The following PHF3 variants were observed in gnomAD, a reference collection of about 807,000 sequenced individuals.
The protein encoded by PHF3 is PHD finger protein 3.
A neutral mutation model predicts 178.4 loss-of-function variants in PHF3; 41 were observed. The observed-to-expected ratio is 0.23, with a 90% CI of 0.18 to 0.30. The LOEUF (loss-of-function observed/expected upper bound fraction) is 0.30, where lower values mean the gene tolerates loss of function less well. PHF3 is among the 10% of genes least tolerant of loss of function. The pLI is 1.00. For synonymous variants in PHF3, 842 were observed against 800.5 expected (o/e 1.05, Z -0.88); for missense variants, 2,346 against 2,398.1 (o/e 0.98, Z 0.45).
intron 9 of PHF3, among the ~76,000 whole-genome samples, chr6:63,702,036 A>G (rs970543081): frequency 6.6e-6 from 1 of 152,162 alleles, no homozygotes; most frequent in Non-Finnish European, 1.5e-5. Context: ...CAGGGTCACT[A>G]AGCAGGCTTA....
Position 63,711,976 on chromosome 6 carries a change from C to T in PHF3, c.4388C>T (p.Pro1463Leu), listed in dbSNP as rs1476412832. The T allele has an allele frequency of 5.6e-6, 9 of 1,613,672 alleles. No homozygotes were observed. Among genetic ancestry groups the T allele is most frequent in the Non-Finnish European group, 6.8e-6 (8 of 1,179,888 alleles). ...QPTTLELANKPLPVDDILQSL... is the reference protein window; with the variant it reads ...QPTTLELANKLLPVDDILQSL... Reference sequence around the variant, plus strand: ...ACTACTCTGGAATTAGCAAATAAACCTCTTCCTGTGGATGATATACTTCAA... The same window carrying T: ...ACTACTCTGGAATTAGCAAATAAACTTCTTCCTGTGGATGATATACTTCAA... Residue 1463 changes from proline to leucine, a missense_variant, in exon 16 of 16, where the codon CCT becomes CTT. Around this residue, in one of 8 missense-constraint regions of PHF3, gnomAD observed 839 missense variants for 806.9 expected, o/e 1.04. Coordinates refer to ENST00000262043, the MANE Select transcript of PHF3 (RefSeq NM_001370348.2).
intron 2 of PHF3, among the ~76,000 whole-genome samples, chr6:63,651,375 T>C (rs1193725482): frequency 6.6e-6 from 1 of 152,174 alleles, no homozygotes; most frequent in Non-Finnish European, 1.5e-5. Flanking sequence ...TTTTTCCTTC[T>C]TTTTGAGATG....
Position 63,720,812 on chromosome 6 carries a change from AT to A in PHF3, c.*7105del. ...CATAGTTTAGAGCCACAAAGTTTTT[AT>A]GTGGATCAATATCCTCGGAAAGAAT... On this transcript the variant is annotated 3_prime_UTR_variant, in exon 16 of 16. Transcript: ENST00000262043. The A allele has an allele frequency of 1.3e-6, 2 of 1,551,078 alleles. No homozygotes were observed. Among genetic ancestry groups the A allele is most frequent in the Non-Finnish European group, 1.7e-6 (2 of 1,146,536 alleles).
At chr6:63,711,009 C>T (rs1767903429) in intron 14 of PHF3, among the ~76,000 whole-genome samples, 158 bp from the exon 15 acceptor site, 1 of 152,078 alleles carries the variant, frequency 6.6e-6, no homozygotes, top group South Asian at 2.1e-4. Context: ...GAGTTACTTG[C>T]TTTTAATATT....
At chr6:63,707,306 C>T (rs1767737255) in intron 13 of PHF3, among the ~76,000 whole-genome samples, 1 of 152,176 alleles carries the variant, frequency 6.6e-6, no homozygotes, top group South Asian at 2.1e-4. Flanking sequence ...TCTTACCTGC[C>T]TATTTCTGTG....
rs199719001 is a variant in PHF3 at position 63,677,304 on chromosome 6, TGGG to T, written c.245-2692_245-2690del. Among the ~76,000 whole-genome samples the T allele has an allele frequency of 8.8e-3, 1,328 of 151,716 alleles. 8 individuals carry two copies. Among genetic ancestry groups the T allele is most frequent in the Non-Finnish European group, 0.013 (849 of 67,886 alleles). ...TATGAGTGTAGATAAAGAAGAAAGA[TGGG>T]GGGACTGAACTGTTGTATCCTTCAG... On this transcript the variant is annotated intron_variant, in intron 2 of 15. Transcript: ENST00000262043.
rs763001991 is a variant in PHF3 at position 63,698,548 on chromosome 6, T to C, written c.2925T>C (p.Ala975=). 16 of 1,594,768 alleles carry C rather than the reference T, an allele frequency of 1.0e-5. No homozygotes were observed. The East Asian group carries it at 1.6e-4, about 16-fold the overall frequency. Residue 975 remains alanine, a synonymous_variant, in exon 8 of 16, where the codon GCT becomes GCC. Coordinates refer to ENST00000262043, the MANE Select transcript of PHF3 (RefSeq NM_001370348.2). ...TCTCTTTTTTTCGGGACACAGATGC[T>C]AAATATAAGAACAAATATAGAAGTT... ...ELFSFFRDTD[A]KYKNKYRSLM... is the part of the protein sequence containing the mutation.
rs1768432306 is a variant in PHF3, at chr6:63,722,354, C to T, written c.*8646C>T. 6.6e-6 allele frequency among the ~76,000 whole-genome samples: 1 copy of T among 151,670 alleles called. No individual in the cohort carries two copies. Among genetic ancestry groups the T allele is most frequent in the East Asian group, 1.9e-4 (1 of 5,186 alleles). ...CCTTCAGGTTTCAGATCAAGTGTCA[C>T]TTCCTCAGAGAAGTTTTCCTTGATT... is the stretch of plus-strand genomic sequence containing the variant. On this transcript the variant is annotated 3_prime_UTR_variant, in exon 16 of 16. Coordinates refer to ENST00000262043, the MANE Select transcript of PHF3 (RefSeq NM_001370348.2).
rs1341334418 is a variant in PHF3, at chr6:63,714,399, G to GTAAA, written c.*694_*697dup. On this transcript the variant is annotated 3_prime_UTR_variant, in exon 16 of 16. Transcript: ENST00000262043. ...TTTGCTATCCTTTTTACTGTAAAAT[G>GTAAA]TAAATATTTTAAGGGATATTTTGAT... 6.6e-6 allele frequency: 1 copy of GTAAA among 152,458 alleles called. No homozygotes were observed. Among genetic ancestry groups the GTAAA allele is most frequent in the East Asian group, 1.9e-4 (1 of 5,200 alleles). The allele number at this position is 152,458 out of a possible 1,614,324, so 9.4% of individuals were successfully genotyped here. A position where few individuals can be genotyped will look rare whatever the true frequency, so the allele number is the denominator to read the frequency against.
chr6:63,701,651 A>C (rs114853824), intron 9 of PHF3, among the ~76,000 whole-genome samples: 1,797 of 152,266 alleles, frequency 0.012, 29 homozygotes, highest in African/African-American at 0.042. Context: ...TCTAGTTTGA[A>C]GCTCATCTAG....
rs372565137 is a variant in PHF3 at position 63,680,077 on chromosome 6, A to T, written c.322A>T (p.Ile108Phe). 2 of 1,612,944 alleles carry T rather than the reference A, an allele frequency of 1.2e-6. No individual in the cohort carries two copies. ...GNDTIDEEEL[I>F]LPNRNLRDKV... ...TGATACCATTGATGAAGAAGAACTGATTTTACCTAACAGGAACTTAAGGGA... is the reference window on the plus strand; with the variant it reads ...TGATACCATTGATGAAGAAGAACTGTTTTTACCTAACAGGAACTTAAGGGA... The change falls in exon 3 of 16, where the codon ATT becomes TTT. Residue 108 changes from isoleucine to phenylalanine, a missense_variant. Physicochemically the swap from Ile to Phe is conservative, Grantham distance 21. Around this residue, in one of 8 missense-constraint regions of PHF3, gnomAD observed 843 missense variants for 795.2 expected, o/e 1.06. Transcript: ENST00000262043.
At chr6:63,683,907 CT>C (rs368064128) in intron 3 of PHF3, among the ~76,000 whole-genome samples, 1 of 151,960 alleles carries the variant, frequency 6.6e-6, no homozygotes, top group African/African-American at 2.4e-5. Flanking sequence ...GCTTTTCCCC[CT>C]GCTAGAATTC....
At position 63,646,573 on chromosome 6, in the gene PHF3, A is replaced by T; in HGVS notation, c.22A>T (p.Asn8Tyr). 6.2e-7 allele frequency: 1 copy of T among 1,610,246 alleles called. No homozygotes were observed. Among genetic ancestry groups the T allele is most frequent in the Non-Finnish European group, 8.5e-7 (1 of 1,176,776 alleles). The stretch of plus-strand genomic sequence containing the variant: ...CTTCATGGATATAGTTGATACATTT[A>T]ATCATTTAATTCCTACTGAACACTT... MDIVDTF[N>Y]HLIPTEHLDD... is the part of the protein sequence containing the mutation. The change falls in exon 2 of 16, where the codon AAT (asparagine) becomes TAT (tyrosine). Residue 8 changes from asparagine to tyrosine, a missense_variant. By Grantham distance (143) the Asn-to-Tyr change is moderately radical. Transcript: ENST00000262043.
rs1768408728 is a variant in PHF3, at chr6:63,721,843, T to G, written c.*8135T>G. 6.7e-7 allele frequency: 1 copy of G among 1,491,358 alleles called. No homozygotes were observed. Among genetic ancestry groups the G allele is most frequent in the Non-Finnish European group, 8.9e-7 (1 of 1,121,122 alleles). The allele number at this position is 1,491,358 out of a possible 1,614,324, so 92.4% of individuals were successfully genotyped here. A position where few individuals can be genotyped will look rare whatever the true frequency, so the allele number is the denominator to read the frequency against. On this transcript the variant is annotated 3_prime_UTR_variant, in exon 16 of 16. Coordinates refer to ENST00000262043, the MANE Select transcript of PHF3 (RefSeq NM_001370348.2). Reference sequence around the variant, plus strand: ...AGTTTGATTAGCAACAGTAAAAGTTTCCATTGAAAACTTTTGCTGTTTCTG... The same window carrying G: ...AGTTTGATTAGCAACAGTAAAAGTTGCCATTGAAAACTTTTGCTGTTTCTG...
intron 4 of PHF3, 68 bp from the exon 5 acceptor site, chr6:63,691,669 C>G (rs1767006762): frequency 7.7e-7 from 1 of 1,292,872 alleles, no homozygotes; most frequent in Non-Finnish European, 1.1e-6. Flanking sequence ...TTTAATTTAG[C>G]CTCATTTTTG....
chr6:63,653,464 T>C (rs1211171634), intron 2 of PHF3, among the ~76,000 whole-genome samples: 1 of 152,156 alleles, frequency 6.6e-6, no homozygotes, highest in East Asian at 1.9e-4. Flanking sequence ...TGAGTAGGAT[T>C]GCTTTCTTGA....
chr6:63,705,842 A>G (rs998139303), intron 11 of PHF3, among the ~76,000 whole-genome samples, 187 bp from the exon 12 acceptor site: 1 of 152,166 alleles, frequency 6.6e-6, no homozygotes, highest in African/African-American at 2.4e-5. Flanking sequence ...ACACTAGTGA[A>G]TTTTCTGCTG....
chr6:63,711,558 A>G (rs909149175), intron 15 of PHF3, 28 bp from the exon 16 acceptor site: 3 of 1,523,894 alleles, frequency 2.0e-6, no homozygotes, highest in Non-Finnish European at 2.6e-6. Flanking sequence ...AAAATGATGA[A>G]TTAATTGATG....
chr6:63,689,072 C>T (rs1456187302), intron 4 of PHF3, among the ~76,000 whole-genome samples: 1 of 152,126 alleles, frequency 6.6e-6, no homozygotes, highest in East Asian at 1.9e-4. Flanking sequence ...AGACAGTAGA[C>T]CCTTAAAGAA....
Sources: allele counts gnomAD v4.1 joint callset (sites outside exome capture counted in the v4.1 genomes callset), GRCh38; gene constraint gnomAD v4.1.1; regional missense constraint gnomAD v4.1.1; transcripts MANE v1.5; gene names NCBI Gene and HGNC (gene_info 2026-07-23, HGNC 2026-07-21).